MRTFA: variants seen among roughly 807,000 people sequenced by gnomAD.
MRTFA encodes myocardin related transcription factor A.
Under a neutral mutation model 83.5 loss-of-function variants are expected in MRTFA, and 20 were observed. The ratio of observed to expected loss-of-function variants is 0.24; its 90% CI spans 0.17 to 0.35. The LOEUF (loss-of-function observed/expected upper bound fraction) is 0.35, where lower values mean the gene tolerates loss of function less well. Ranked by LOEUF, MRTFA falls within the 10% of genes least tolerant of loss-of-function variation. MRTFA has a pLI of 1.00. For synonymous variants in MRTFA, 659 were observed against 541.2 expected (o/e 1.22, Z -3.02); for missense variants, 1,200 against 1,224.7 (o/e 0.98, Z 0.30).
chr22:40,607,503 CAAAA>C (rs369102921), intron 1 of MRTFA, among the ~76,000 whole-genome samples: 3 of 102,078 alleles, frequency 2.9e-5, no homozygotes, highest in African/African-American at 4.2e-5. Flanking sequence ...GACTCCGTCT[CAAAA>C]AAAAAAAAAA....
chr22:40,452,619 T>C (rs1602265306), intron 4 of MRTFA, among the ~76,000 whole-genome samples: 3 of 150,070 alleles, frequency 2.0e-5, no homozygotes, highest in African/African-American at 4.9e-5. Context: ...AGGTCAGGAG[T>C]TCGAGCATGG....
intron 4 of MRTFA, among the ~76,000 whole-genome samples, chr22:40,451,338 C>G (rs908824384): frequency 2.0e-5 from 3 of 152,076 alleles, no homozygotes; most frequent in Admixed American, 6.5e-5. Context: ...ATTTGGGTGG[C>G]GGGGTGTGGA....
chr22:40,483,372 AT>A (rs550051844), intron 3 of MRTFA, among the ~76,000 whole-genome samples: 2,010 of 139,350 alleles, frequency 0.014, 28 homozygotes, highest in African/African-American at 0.032. Flanking sequence ...ACCTAAAGTA[AT>A]TTTTTTTTTT....
chr22:40,531,745 T>C (rs2055085769), intron 3 of MRTFA, among the ~76,000 whole-genome samples: 1 of 152,222 alleles, frequency 6.6e-6, no homozygotes. Context: ...AGATGCTTTT[T>C]CATTTCCTAT....
chr22:40,452,889 G>A (rs147560987), intron 4 of MRTFA, among the ~76,000 whole-genome samples: 1 of 151,440 alleles, frequency 6.6e-6, no homozygotes, highest in Non-Finnish European at 1.5e-5. Flanking sequence ...TCTTCGGACC[G>A]AACCATGAAT....
intron 11 of MRTFA, among the ~76,000 whole-genome samples, chr22:40,420,156 G>A (rs1031256590): frequency 3.3e-5 from 5 of 152,210 alleles, no homozygotes; most frequent in Non-Finnish European, 5.9e-5. Context: ...GACAGATGCT[G>A]GCTGTGCTGC....
chr22:40,418,890 C>T lies in MRTFA; in HGVS notation c.1848G>A (p.Ala616=), dbSNP rs139160766. ...GGTCCTTGTCGCGCCCCTCTAGCTC[C>T]GCCCGCCCCCCAGGGCTCAGGCAAC... Residue 616 remains alanine, a synonymous_variant, in exon 12 of 15, where the codon GCG becomes GCA. Coordinates refer to ENST00000355630, the MANE Select transcript of MRTFA (RefSeq NM_020831.6). The T allele has an allele frequency of 7.8e-5, 126 of 1,612,476 alleles. No homozygotes were observed. Among genetic ancestry groups the T allele is most frequent in the East Asian group, 3.1e-4 (14 of 44,868 alleles).
intron 3 of MRTFA, among the ~76,000 whole-genome samples, chr22:40,466,970 T>C (rs58778028): frequency 0.24 from 16,048 of 67,554 alleles, 1,003 homozygotes; most frequent in East Asian, 0.54. Flanking sequence ...ATTATGCATG[T>C]ATATATATAT....
chr22:40,437,225 T>C (rs954876265), intron 4 of MRTFA, among the ~76,000 whole-genome samples: 4 of 151,980 alleles, frequency 2.6e-5, no homozygotes, highest in African/African-American at 7.3e-5. Flanking sequence ...AGTGGGTAAA[T>C]AGACACCCCC....
chr22:40,526,017 C>G (rs914133275), intron 3 of MRTFA, among the ~76,000 whole-genome samples: 1 of 143,842 alleles, frequency 7.0e-6, no homozygotes, highest in Non-Finnish European at 1.5e-5. Flanking sequence ...AAAAAAGTAA[C>G]TTTTTTTTTT....
intron 3 of MRTFA, among the ~76,000 whole-genome samples, chr22:40,540,606 C>G (rs560630598): frequency 1.3e-5 from 2 of 151,940 alleles, no homozygotes; most frequent in East Asian, 3.9e-4. Context: ...ATGGTGAAAC[C>G]CCATCCCTAC....
intron 3 of MRTFA, among the ~76,000 whole-genome samples, chr22:40,483,634 G>GA (rs1414215570): frequency 6.6e-6 from 1 of 151,416 alleles, no homozygotes; most frequent in Admixed American, 6.6e-5. Flanking sequence ...GCAGTGAGCC[G>GA]AGATAGTGCC....
At position 40,485,467 on chromosome 22, in the gene MRTFA, AG is replaced by A. The variant is rs781094407; in HGVS notation, c.242-22182del. Among the ~76,000 whole-genome samples, 3 of 152,164 alleles carry A rather than the reference AG, an allele frequency of 2.0e-5. No individual in the cohort carries two copies. In the East Asian group the frequency reaches 5.8e-4, roughly 29 times the overall value. The stretch of plus-strand genomic sequence containing the variant: ...CTTAGGAGACTCCAATGGTGTGTGA[AG>A]GCGGGAGGAGAGCCTGAGTATCAGA... On this transcript the variant is annotated intron_variant, in intron 3 of 14. Coordinates refer to ENST00000355630, the MANE Select transcript of MRTFA (RefSeq NM_020831.6).
chr22:40,496,098 A>G (rs2054350960), intron 3 of MRTFA, among the ~76,000 whole-genome samples: 1 of 151,736 alleles, frequency 6.6e-6, no homozygotes, highest in Non-Finnish European at 1.5e-5. Context: ...AATAATAATA[A>G]TAATAATAAG....
intron 3 of MRTFA, among the ~76,000 whole-genome samples, chr22:40,474,648 GAT>G: frequency 6.7e-6 from 1 of 149,044 alleles, no homozygotes; most frequent in Non-Finnish European, 1.5e-5. Context: ...CTGTATGCCA[GAT>G]ACTCTCTGTT....
intron 4 of MRTFA, among the ~76,000 whole-genome samples, chr22:40,443,568 A>G (rs2053320974): frequency 6.6e-6 from 1 of 151,976 alleles, no homozygotes; most frequent in South Asian, 2.1e-4. Flanking sequence ...AAAAAGCCCT[A>G]GCAAAATATG....
intron 2 of MRTFA, among the ~76,000 whole-genome samples, chr22:40,570,588 A>AAT (rs1468579210): frequency 2.0e-5 from 3 of 149,370 alleles, no homozygotes; most frequent in Non-Finnish European, 4.5e-5. Flanking sequence ...AAAAAAAAAA[A>AAT]AAAAAAAAAA....
At chr22:40,493,380 T>C (rs1343777446) in intron 3 of MRTFA, among the ~76,000 whole-genome samples, 1 of 152,172 alleles carries the variant, frequency 6.6e-6, no homozygotes, top group East Asian at 1.9e-4. Flanking sequence ...TCTGTTCCAC[T>C]AGGAAACTAG....
At chr22:40,592,265 A>AC (rs1481600224) in intron 2 of MRTFA, among the ~76,000 whole-genome samples, 1 of 98,296 alleles carries the variant, frequency 1.0e-5, no homozygotes, top group Non-Finnish European at 2.3e-5. Flanking sequence ...CTCAGTCTCT[A>AC]CAAAAAAAAA....
Sources: allele counts gnomAD v4.1 joint callset (sites outside exome capture counted in the v4.1 genomes callset), GRCh38; gene constraint gnomAD v4.1.1; transcripts MANE v1.5; gene names NCBI Gene and HGNC (gene_info 2026-07-23, HGNC 2026-07-21).